IL4R: variants seen among roughly 807,000 people sequenced by gnomAD.
IL4R encodes the protein interleukin 4 receptor, also known as interleukin-4 receptor subunit alpha.
A neutral mutation model predicts 41.5 loss-of-function variants in IL4R; 17 were observed. That is an observed-to-expected ratio of 0.41 (90% CI 0.28 to 0.61). The LOEUF (loss-of-function observed/expected upper bound fraction) is 0.61. Ranked by LOEUF, IL4R falls within the 20% of genes least tolerant of loss-of-function variation. The pLI, the probability that IL4R is intolerant of heterozygous loss-of-function variation, is 0.31. For synonymous variants in IL4R, 402 were observed against 422.9 expected (o/e 0.95, Z 0.61); for missense variants, 974 against 1,043.1 (o/e 0.93, Z 0.91).
chr16:27,328,913 C>T (rs1269834893), intron 1 of IL4R, among the ~76,000 whole-genome samples: 2 of 151,972 alleles, frequency 1.3e-5, no homozygotes, highest in Non-Finnish European at 2.9e-5. Flanking sequence ...GGCCATTAAC[C>T]GTTCATAATG....
At chr16:27,323,949 G>A (rs951672616) in intron 1 of IL4R, among the ~76,000 whole-genome samples, 7 of 152,220 alleles carry the variant, frequency 4.6e-5, no homozygotes, top group South Asian at 2.1e-4. Context: ...AGGAGCCACC[G>A]CGCCCAGCCT....
At chr16:27,350,832 C>G (rs1481140876) in intron 6 of IL4R, among the ~76,000 whole-genome samples, 1 of 152,172 alleles carries the variant, frequency 6.6e-6, no homozygotes, top group Non-Finnish European at 1.5e-5. Flanking sequence ...TGCTGTCTGT[C>G]TCTTGCCAGA....
At chr16:27,324,618 G>T (rs1016773049) in intron 1 of IL4R, among the ~76,000 whole-genome samples, 1 of 152,192 alleles carries the variant, frequency 6.6e-6, no homozygotes, top group Non-Finnish European at 1.5e-5. Context: ...CAAGATAACA[G>T]GTTGCAGAAA....
At chr16:27,340,699 G>A (rs998682474) in intron 3 of IL4R, among the ~76,000 whole-genome samples, 4 of 152,114 alleles carry the variant, frequency 2.6e-5, no homozygotes, top group Non-Finnish European at 2.9e-5. Context: ...TCCAGCCTGC[G>A]TGAGAAAGTG....
At chr16:27,324,491 G>A (rs2084898874) in intron 1 of IL4R, among the ~76,000 whole-genome samples, 2 of 152,216 alleles carry the variant, frequency 1.3e-5, no homozygotes, top group South Asian at 4.1e-4. Flanking sequence ...TGGGGAGATG[G>A]CTGTGAGCGG....
At chr16:27,313,966 G>T (rs2084545222), upstream of IL4R, 24 of 984,616 alleles carry the variant, frequency 2.4e-5, no homozygotes, top group Non-Finnish European at 2.9e-5. Context: ...GCCACCCAGG[G>T]GTCCCCCACT....
At chr16:27,360,271 C>G (rs2086236450) in intron 9 of IL4R, among the ~76,000 whole-genome samples, 1 of 152,242 alleles carries the variant, frequency 6.6e-6, no homozygotes, top group Admixed American at 6.5e-5. Flanking sequence ...ACTTCAGCCT[C>G]CCAAAGTGCT....
Position 27,348,901 on chromosome 16 carries a change from G to A in IL4R, c.513+2283G>A, listed in dbSNP as rs148503893. ...CTAAAATGCCAGCCAGGTTTAAGAC[G>A]TGGCACCAGATGCCAGTCATGGGAT... On this transcript the variant is annotated intron_variant, in intron 6 of 10. Transcript: ENST00000395762. 7.5e-3 allele frequency among the ~76,000 whole-genome samples: 1,131 copies of A among 150,978 alleles called. 18 individuals are homozygous for A. The highest frequency in any genetic ancestry group is 0.025 in the African/African-American group (1,046 of 41,262).
At chr16:27,319,049 T>C (rs2084732881) in intron 1 of IL4R, among the ~76,000 whole-genome samples, 1 of 152,188 alleles carries the variant, frequency 6.6e-6, no homozygotes, top group African/African-American at 2.4e-5. Context: ...TTTGAGGAAG[T>C]GGCTTTTGAA....
intron 1 of IL4R, among the ~76,000 whole-genome samples, chr16:27,329,007 C>A (rs1047629936): frequency 1.3e-5 from 2 of 151,950 alleles, no homozygotes; most frequent in Non-Finnish European, 2.9e-5. Flanking sequence ...AAATGTGATC[C>A]CCAGTGTTGG....
chr16:27,326,230 C>A (rs1463903228), intron 1 of IL4R, among the ~76,000 whole-genome samples: 1 of 152,132 alleles, frequency 6.6e-6, no homozygotes, highest in African/African-American at 2.4e-5. Context: ...GCTCTGGCAA[C>A]TTCTTCCTTG....
chr16:27,347,609 A>G (rs980181429), intron 6 of IL4R, among the ~76,000 whole-genome samples: 1 of 151,996 alleles, frequency 6.6e-6, no homozygotes, highest in Non-Finnish European at 1.5e-5. Flanking sequence ...GAGTCCCCCT[A>G]TTTTTCTGCT....
At chr16:27,313,970 C>T (rs2084545294), upstream of IL4R, 9 of 984,696 alleles carry the variant, frequency 9.1e-6, no homozygotes, top group Non-Finnish European at 1.1e-5. Context: ...CCCAGGGGTC[C>T]CCCACTTCCC....
intron 6 of IL4R, among the ~76,000 whole-genome samples, chr16:27,347,454 G>A (rs964754442): frequency 3.9e-5 from 6 of 152,214 alleles, no homozygotes; most frequent in South Asian, 2.1e-4. Flanking sequence ...GCCTCCCAAA[G>A]TGCTGGGATT....
At chr16:27,328,467 G>C (rs2085024774) in intron 1 of IL4R, among the ~76,000 whole-genome samples, 1 of 152,032 alleles carries the variant, frequency 6.6e-6, no homozygotes, top group Non-Finnish European at 1.5e-5. Context: ...GTGAACTCCT[G>C]ACCTCAGGTG....
intron 3 of IL4R, 45 bp from the exon 4 acceptor site, chr16:27,342,076 G>A (rs55864075): frequency 5.8e-4 from 924 of 1,603,524 alleles, no homozygotes; most frequent in African/African-American, 4.8e-3. Flanking sequence ...TCCCCCTCAC[G>A]CATTGAGTTC....
rs1482303391 is a variant in IL4R at position 27,331,003 on chromosome 16, A to G, written c.-19+805A>G. ...AAATGGCTCTGGCTGTGATGTGGAG[A>G]AGAGGCAGGGTGAGCCTCATCTGCA... On this transcript the variant is annotated intron_variant, in intron 2 of 10. Transcript: ENST00000395762. Among the ~76,000 whole-genome samples, 4 of 152,024 alleles carry G rather than the reference A, an allele frequency of 2.6e-5. No individual in the cohort carries two copies. In the East Asian group the frequency reaches 7.7e-4, roughly 29 times the overall value.
chr16:27,329,206 G>C (rs905573983), intron 1 of IL4R, among the ~76,000 whole-genome samples: 1 of 152,138 alleles, frequency 6.6e-6, no homozygotes, highest in South Asian at 2.1e-4. Context: ...GTGAATAAAA[G>C]CTCCCTGAGG....
chr16:27,317,182 A>G (rs943682574), intron 1 of IL4R, among the ~76,000 whole-genome samples: 3 of 152,174 alleles, frequency 2.0e-5, no homozygotes, highest in Non-Finnish European at 4.4e-5. Context: ...GGATTTATAG[A>G]TGCGAGCAAA....
Sources: gnomAD v4.1 joint callset for allele counts (sites outside exome capture counted in the v4.1 genomes callset) on GRCh38, gnomAD v4.1.1 for gene constraint, MANE v1.5 for transcripts, NCBI Gene and HGNC (gene_info 2026-07-23, HGNC 2026-07-21) for gene names.